KXD1: variants seen among roughly 807,000 people sequenced by gnomAD.
KXD1 encodes KxDL motif containing 1.
In KXD1, 5 loss-of-function variants were observed where a neutral mutation model predicts 12.1. The ratio of observed to expected loss-of-function variants is 0.41; its 90% CI spans 0.22 to 0.87. The LOEUF is 0.87. KXD1 is among the 40% of genes least tolerant of loss of function. The pLI is 0.31. For missense variants in KXD1, 193 were observed against 244.9 expected (o/e 0.79, Z 1.41); for synonymous variants, 98 against 100.5 (o/e 0.98, Z 0.15).
rs1173251601 is a variant in KXD1, at chr19:18,565,023, T to TGG, written c.254+4_254+5dup. 6.3e-7 allele frequency: 1 copy of TGG among 1,582,528 alleles called. No homozygotes were observed. Among genetic ancestry groups the TGG allele is most frequent in the African/African-American group, 1.5e-5 (1 of 66,046 alleles). On this transcript the variant is annotated splice_region_variant and intron_variant, in intron 3 of 4. Coordinates refer to ENST00000222307, the MANE Select transcript of KXD1 (RefSeq NM_024069.4). ...GGACAGCATCTTCCGCCGTATCAGG[T>TGG]GGGTGCTCAGTGCCACCCCAGCCCA...
intron 3 of KXD1, among the ~76,000 whole-genome samples, chr19:18,565,774 G>C (rs541987202): frequency 6.6e-6 from 1 of 152,080 alleles, no homozygotes; most frequent in Non-Finnish European, 1.5e-5. Flanking sequence ...TGCAACCTCC[G>C]CCTCCCAGGT....
At chr19:18,567,615 C>A (rs1378526455) in intron 4 of KXD1, among the ~76,000 whole-genome samples, 1 of 152,182 alleles carries the variant, frequency 6.6e-6, no homozygotes, top group Non-Finnish European at 1.5e-5. Flanking sequence ...GAGAGGGAAA[C>A]AGAGGCCCAG....
At chr19:18,558,933 G>T (rs1451898130) in intron 1 of KXD1, 1 of 146,116 alleles carries the variant, frequency 6.8e-6, no homozygotes, top group East Asian at 2.0e-4. Flanking sequence ...TCCCAGTACT[G>T]TGTCTCACTG....
Position 18,568,657 on chromosome 19 carries a change from G to T in KXD1, c.*26G>T, listed in dbSNP as rs752660904. On this transcript the variant is annotated 3_prime_UTR_variant, in exon 5 of 5. Transcript: ENST00000222307. ...CCCTGCTGCCCGGTGCCTTGAGGGGGTCTCAGGGCAGCAGCATACAAGGTG... is the reference window on the plus strand; with the variant it reads ...CCCTGCTGCCCGGTGCCTTGAGGGGTTCTCAGGGCAGCAGCATACAAGGTG... 2.4e-5 allele frequency: 37 copies of T among 1,556,172 alleles called. No homozygotes were observed. The highest frequency in any genetic ancestry group is 6.7e-5 in the Admixed American group (4 of 59,520).
At chr19:18,562,782 G>A (rs146985995) in intron 2 of KXD1, among the ~76,000 whole-genome samples, 137 of 152,326 alleles carry the variant, frequency 9.0e-4, no homozygotes, top group Middle Eastern at 3.4e-3. Context: ...TTTTATGCTG[G>A]TGCGCCTACT....
Position 18,569,041 on chromosome 19 carries a change from A to G in KXD1, c.*410A>G. 1 of 212,392 alleles carries G rather than the reference A, an allele frequency of 4.7e-6. No individual in the cohort carries two copies. The highest frequency in any genetic ancestry group is 1.3e-4 in the East Asian group (1 of 7,930). 13.2% of individuals were successfully genotyped at this position (212,392 alleles called of 1,614,324 possible). A position where few individuals can be genotyped will look rare whatever the true frequency, so the allele number is the denominator to read the frequency against. On this transcript the variant is annotated 3_prime_UTR_variant, in exon 5 of 5. Coordinates refer to ENST00000222307, the MANE Select transcript of KXD1 (RefSeq NM_024069.4). Reference sequence around the variant, plus strand: ...CACAAGCACGGTCTCCTCTGAGTTCACCCCAGCCCACCCCCGCACCCACTA... The same window carrying G: ...CACAAGCACGGTCTCCTCTGAGTTCGCCCCAGCCCACCCCCGCACCCACTA...
intron 1 of KXD1, 99 bp from the exon 2 acceptor site, chr19:18,561,937 G>T: frequency 1.5e-6 from 1 of 664,600 alleles, no homozygotes; most frequent in East Asian, 3.1e-5. Context: ...ATACCACCAC[G>T]GTTGGGTTAG....
intron 4 of KXD1, 170 bp downstream of exon 4, chr19:18,567,348 G>T: frequency 1.5e-6 from 1 of 680,980 alleles, no homozygotes; most frequent in Non-Finnish European, 2.6e-6. Context: ...GGTCCTGTCA[G>T]CAGCTGGCAG....
At chr19:18,565,140 C>T (rs757773033) in intron 3 of KXD1, 119 bp downstream of exon 3, 1 of 1,505,386 alleles carries the variant, frequency 6.6e-7, no homozygotes, top group Non-Finnish European at 8.8e-7. Context: ...CAAGGCTTCA[C>T]TGCGCACTTA....
At chr19:18,568,281 A>G in intron 4 of KXD1, 121 bp from the exon 5 acceptor site, 2 of 688,366 alleles carry the variant, frequency 2.9e-6, no homozygotes, top group Non-Finnish European at 5.0e-6. Flanking sequence ...AAAAAAAAAA[A>G]AAGGGTCAAG....
rs939075441 is a variant in KXD1 at position 18,566,208 on chromosome 19, T to G, written c.255-924T>G. Reference sequence around the variant, plus strand: ...GCCCATGCCTGTAATCCCAGCACTTTGGGAGGCCGAGGCAGGCGGATCACG... The same window carrying G: ...GCCCATGCCTGTAATCCCAGCACTTGGGGAGGCCGAGGCAGGCGGATCACG... On this transcript the variant is annotated intron_variant, in intron 3 of 4. Coordinates refer to ENST00000222307, the MANE Select transcript of KXD1 (RefSeq NM_024069.4). Among the ~76,000 whole-genome samples the G allele has an allele frequency of 2.7e-4, 41 of 151,448 alleles. No individual in the cohort carries two copies. The East Asian group carries it at 7.7e-3, about 28-fold the overall frequency.
At chr19:18,565,379 A>G (rs965852638) in intron 3 of KXD1, among the ~76,000 whole-genome samples, 9 of 150,940 alleles carry the variant, frequency 6.0e-5, no homozygotes, top group African/African-American at 1.7e-4. Context: ...ACAGGTGCCT[A>G]CCACCACGCC....
At chr19:18,566,697 G>A (rs890484947) in intron 3 of KXD1, among the ~76,000 whole-genome samples, 2 of 152,014 alleles carry the variant, frequency 1.3e-5, no homozygotes, top group Non-Finnish European at 2.9e-5. Context: ...GGAGGCTGAG[G>A]GAGGACAATC....
In KXD1 at chr19:18,568,933, C is replaced by T. The variant is rs748700527; in HGVS notation, c.*302C>T. The T allele has an allele frequency of 2.1e-5, 9 of 425,636 alleles. No individual in the cohort carries two copies. The highest frequency in any genetic ancestry group is 1.3e-4 in the East Asian group (3 of 22,368). 26.4% of individuals were successfully genotyped at this position (425,636 alleles called of 1,614,324 possible). The stretch of plus-strand genomic sequence containing the variant: ...GGAATTTTTCCAGAGCTGAGCCTGA[C>T]GTCTGCTCTGAAGAATGCTTAGAAG... On this transcript the variant is annotated 3_prime_UTR_variant, in exon 5 of 5. Transcript: ENST00000222307.
chr19:18,567,267 C>A, intron 4 of KXD1, 89 bp downstream of exon 4: 1 of 1,343,324 alleles, frequency 7.4e-7, no homozygotes, highest in Non-Finnish European at 1.1e-6. Context: ...GGGCCTGATA[C>A]TGAGACCAGG....
chr19:18,568,755 A>AG lies in KXD1; in HGVS notation c.*129dup. 1 of 691,616 alleles carries AG rather than the reference A, an allele frequency of 1.4e-6. No homozygotes were observed. The highest frequency in any genetic ancestry group is 2.4e-6 in the Non-Finnish European group (1 of 412,806). 42.8% of individuals were successfully genotyped at this position (691,616 alleles called of 1,614,324 possible). A position where few individuals can be genotyped will look rare whatever the true frequency, so the allele number is the denominator to read the frequency against. ...CCCCGTTCTGTCACCCAGGGCTCCT[A>AG]GGGGGACAAGGCTCTCTCCCGAGGG... On this transcript the variant is annotated 3_prime_UTR_variant, in exon 5 of 5. Transcript: ENST00000222307.
intron 3 of KXD1, 35 bp from the exon 4 acceptor site, chr19:18,567,097 C>G (rs774047353): frequency 1.9e-6 from 3 of 1,610,234 alleles, no homozygotes; most frequent in Non-Finnish European, 2.5e-6. Context: ...ACCTGCTCAG[C>G]AGGTTAAGCC....
At chr19:18,564,083 T>A (rs1256341460) in intron 2 of KXD1, among the ~76,000 whole-genome samples, 2 of 151,830 alleles carry the variant, frequency 1.3e-5, no homozygotes, top group Admixed American at 6.6e-5. Context: ...GACGCGGTTT[T>A]CCCATGTTGG....
chr19:18,559,992 C>CCCTT, intron 1 of KXD1: 1 of 134,448 alleles, frequency 7.4e-6, no homozygotes, highest in Non-Finnish European at 1.6e-5. Flanking sequence ...TTCCTTCCTT[C>CCCTT]CCTCCCTCCC....
Sources: gnomAD v4.1 joint callset for allele counts (sites outside exome capture counted in the v4.1 genomes callset) on GRCh38, gnomAD v4.1.1 for gene constraint, MANE v1.5 for transcripts, NCBI Gene and HGNC (gene_info 2026-07-23, HGNC 2026-07-21) for gene names.